GPR19: variants seen among roughly 807,000 people sequenced by gnomAD.
The protein encoded by GPR19 is G protein-coupled receptor 19.
In GPR19, 14 loss-of-function variants were observed where a neutral mutation model predicts 28.5. The ratio of observed to expected loss-of-function variants is 0.49; its 90% CI spans 0.32 to 0.77. The LOEUF (loss-of-function observed/expected upper bound fraction) is 0.77. GPR19 is among the 30% of genes least tolerant of loss of function. The pLI, the probability that GPR19 is intolerant of heterozygous loss-of-function variation, is 0.03. For missense variants in GPR19, 409 were observed against 504.1 expected, an observed-to-expected ratio of 0.81 and a Z score of 1.81; for synonymous variants, 173 against 184.1, an observed-to-expected ratio of 0.94 and a Z score of 0.49.
the GPR19 span, among the ~76,000 whole-genome samples, chr12:12,713,107 C>T: frequency 1.1e-4 from 16 of 148,854 alleles, no homozygotes; most frequent in East Asian, 2.0e-4. Flanking sequence ...CTGTCTCTCC[C>T]GGGCTGGAGT....
At position 12,662,482 on chromosome 12, in the gene GPR19, AAAG is replaced by A; in HGVS notation, c.-22-15_-22-13del. 1.3e-6 allele frequency: 2 copies of A among 1,596,128 alleles called. No homozygotes were observed. The highest frequency in any genetic ancestry group is 1.7e-6 in the Non-Finnish European group (2 of 1,169,078). On this transcript the variant is annotated splice_polypyrimidine_tract_variant and intron_variant, in intron 3 of 3. Coordinates refer to ENST00000651487, the MANE Select transcript of GPR19 (RefSeq NM_006143.3). ...TTTTTCTCTTAATTCTGGTTGGGGA[AAAG>A]AAGAATGAGGCCTCCTGTTAAAAAG...
chr12:12,661,127 A>G lies in GPR19; in HGVS notation c.*74T>C, dbSNP rs115220382. The stretch of plus-strand genomic sequence containing the variant: ...CCCTTGGAAAGTTGAGTGAAAACAA[A>G]TATGTAAATAGCTTCTGTTTTTATA... On this transcript the variant is annotated 3_prime_UTR_variant, in exon 4 of 4. Transcript: ENST00000651487. This position sits in a 1 kb window ranked among gnomAD's most constrained non-coding sequence, Gnocchi z 4.2. 853 of 1,038,952 alleles carry G rather than the reference A, an allele frequency of 8.2e-4. 4 individuals are homozygous for G. In the African/African-American group the frequency reaches 0.012, roughly 15 times the overall value. 64.4% of individuals were successfully genotyped at this position (1,038,952 alleles called of 1,614,324 possible).
the GPR19 span, among the ~76,000 whole-genome samples, chr12:12,702,696 TA>T: frequency 6.6e-6 from 1 of 152,230 alleles, no homozygotes; most frequent in African/African-American, 2.4e-5. Context: ...ATGTTCAACT[TA>T]AATCTAAAAC....
the GPR19 span, among the ~76,000 whole-genome samples, chr12:12,711,643 A>G: frequency 1.3e-5 from 2 of 152,164 alleles, no homozygotes; most frequent in Non-Finnish European, 2.9e-5. Flanking sequence ...GAAGGCAACA[A>G]TGGATTTTGA....
At chr12:12,686,410 A>C (rs540180253) in intron 2 of GPR19, among the ~76,000 whole-genome samples, 1 of 152,246 alleles carries the variant, frequency 6.6e-6, no homozygotes, top group Middle Eastern at 3.2e-3. Flanking sequence ...TTATCAAAAA[A>C]GTTAGATATT....
In GPR19 at chr12:12,695,020, T is replaced by A. The variant is rs954732537; in HGVS notation, c.-180+439A>T. Among the ~76,000 whole-genome samples, 4 of 152,220 alleles carry A rather than the reference T, an allele frequency of 2.6e-5. No homozygotes were observed. In the East Asian group the frequency reaches 7.7e-4, roughly 29 times the overall value. On this transcript the variant is annotated intron_variant, in intron 2 of 3. Coordinates refer to ENST00000651487, the MANE Select transcript of GPR19 (RefSeq NM_006143.3). ...TACTGAAGTACTTCCATTCTATATATTCACACTGGGATCCTTCTCCATCAC... is the reference window on the plus strand; with the variant it reads ...TACTGAAGTACTTCCATTCTATATAATCACACTGGGATCCTTCTCCATCAC...
chr12:12,699,589 G>T (rs888283485), upstream of GPR19, among the ~76,000 whole-genome samples: 5 of 152,208 alleles, frequency 3.3e-5, no homozygotes, highest in Non-Finnish European at 7.3e-5. Flanking sequence ...TTCAAGTCCA[G>T]CCTGGACAAT....
At chr12:12,682,961 A>C (rs932837935) in intron 3 of GPR19, among the ~76,000 whole-genome samples, 2 of 152,170 alleles carry the variant, frequency 1.3e-5, no homozygotes, top group African/African-American at 4.8e-5. Context: ...AAATAAATCC[A>C]GTCAGTTTGA....
chr12:12,664,486 A>C (rs1320395360), intron 3 of GPR19, among the ~76,000 whole-genome samples: 1 of 152,138 alleles, frequency 6.6e-6, no homozygotes, highest in African/African-American at 2.4e-5. Context: ...TAAGATAATT[A>C]AAATTTTAAA....
the GPR19 span, among the ~76,000 whole-genome samples, chr12:12,704,066 T>A: frequency 1.3e-5 from 2 of 152,212 alleles, no homozygotes; most frequent in Non-Finnish European, 2.9e-5. Context: ...CTATGTGTAG[T>A]GGAAAAGGAT....
the GPR19 span, chr12:12,716,822 G>A: frequency 1.0e-6 from 1 of 985,190 alleles, no homozygotes; most frequent in Non-Finnish European, 1.2e-6. Context: ...CCAGCCCCCA[G>A]CAAAGGCACG....
At chr12:12,666,360 T>C (rs1945779060) in intron 3 of GPR19, among the ~76,000 whole-genome samples, 1 of 152,244 alleles carries the variant, frequency 6.6e-6, no homozygotes, top group South Asian at 2.1e-4. Flanking sequence ...ATACAGCATC[T>C]TGTTAGTCCT....
upstream of GPR19, among the ~76,000 whole-genome samples, chr12:12,699,603 G>C (rs1946304619): frequency 6.6e-6 from 1 of 152,178 alleles, no homozygotes; most frequent in African/African-American, 2.4e-5. Context: ...GGACAATATA[G>C]CAAGATCCCA....
chr12:12,688,587 C>T (rs544227584), intron 2 of GPR19: 3 of 152,254 alleles, frequency 2.0e-5, no homozygotes, highest in Non-Finnish European at 4.4e-5. Flanking sequence ...GCCCAAGTCC[C>T]TCAAACCTCA....
intron 3 of GPR19, among the ~76,000 whole-genome samples, chr12:12,667,552 G>C (rs544330481): frequency 2.0e-5 from 3 of 152,044 alleles, no homozygotes; most frequent in Admixed American, 6.6e-5. Context: ...TTAGCCAGGC[G>C]TGGTGGCATG....
chr12:12,686,762 A>ATTG (rs1946102851), intron 2 of GPR19, among the ~76,000 whole-genome samples: 1 of 152,200 alleles, frequency 6.6e-6, no homozygotes, highest in Non-Finnish European at 1.5e-5. Flanking sequence ...TGGTCAATTT[A>ATTG]ATGTGTTGTG....
At position 12,677,903 on chromosome 12, in the gene GPR19, A is replaced by G. The variant is rs576087114; in HGVS notation, c.-23+6448T>C. 5.3e-5 allele frequency among the ~76,000 whole-genome samples: 8 copies of G among 151,742 alleles called. No homozygotes were observed. In the South Asian group the frequency reaches 8.4e-4, roughly 16 times the overall value. On this transcript the variant is annotated intron_variant, in intron 3 of 3. Coordinates refer to ENST00000651487, the MANE Select transcript of GPR19 (RefSeq NM_006143.3). ...AGCCTGACCAACATGGTGAAACCCCATCTCTACTAAAAATATAAAAATTAG... is the reference window on the plus strand; with the variant it reads ...AGCCTGACCAACATGGTGAAACCCCGTCTCTACTAAAAATATAAAAATTAG...
intron 3 of GPR19, among the ~76,000 whole-genome samples, chr12:12,680,777 C>T (rs1416602911): frequency 6.6e-6 from 1 of 152,164 alleles, no homozygotes; most frequent in Non-Finnish European, 1.5e-5. Context: ...CAACCTCCAC[C>T]TACCGGGTTC....
At chr12:12,666,453 T>C (rs569075288) in intron 3 of GPR19, among the ~76,000 whole-genome samples, 2 of 152,326 alleles carry the variant, frequency 1.3e-5, no homozygotes, top group East Asian at 1.9e-4. Flanking sequence ...TTAAGAAATA[T>C]TGATGCCTGA....
Sources: allele counts gnomAD v4.1 joint callset (sites outside exome capture counted in the v4.1 genomes callset), GRCh38; gene constraint gnomAD v4.1.1; non-coding constraint Gnocchi (gnomAD v3.1); transcripts MANE v1.5; gene names NCBI Gene and HGNC (gene_info 2026-07-23, HGNC 2026-07-21).